The following CA5A variants were observed in gnomAD, a reference collection of about 807,000 sequenced individuals.
CA5A encodes the protein carbonic anhydrase 5A.
In CA5A, 28 loss-of-function variants were observed where a neutral mutation model predicts 37.1. That is an observed-to-expected ratio of 0.75 (90% confidence interval 0.56 to 1.03). The LOEUF is 1.03. CA5A is among the 50% of genes least tolerant of loss of function. The probability of loss-of-function intolerance (pLI) is 0.00; values close to 1 mark genes in which losing one functional copy is unlikely to be tolerated. For missense variants in CA5A, 444 were observed against 399.9 expected (o/e 1.11, Z -0.94); for synonymous variants, 171 against 158.4 (o/e 1.08, Z -0.60).
chr16:87,920,356 A>T (rs1276003627), intron 2 of CA5A, among the ~76,000 whole-genome samples: 1 of 152,254 alleles, frequency 6.6e-6, no homozygotes, highest in African/African-American at 2.4e-5. Context: ...TCTGTCGCCC[A>T]GGCTGGAGGG....
chr16:87,892,538 AATAATAATAATAATAATAAATT>A (rs1426422191), intron 5 of CA5A, among the ~76,000 whole-genome samples: 1 of 127,274 alleles, frequency 7.9e-6, no homozygotes, highest in African/African-American at 3.3e-5. Context: ...TAATAATAAT[AATAATAATAATAATAATAAATT>A]AATTAATAAT....
chr16:87,908,885 A>G (rs549758612), intron 2 of CA5A, among the ~76,000 whole-genome samples: 110 of 152,006 alleles, frequency 7.2e-4, no homozygotes, highest in Admixed American at 6.6e-3. Context: ...GCGTGATCTC[A>G]GCTCACTGCA....
chr16:87,895,159 A>G (rs1029917800), intron 5 of CA5A, among the ~76,000 whole-genome samples: 5 of 152,172 alleles, frequency 3.3e-5, no homozygotes, highest in African/African-American at 1.2e-4. Flanking sequence ...CTGAGGTGGG[A>G]GGATGGCTTG....
chr16:87,900,986 GA>G (rs1275808879), intron 5 of CA5A, among the ~76,000 whole-genome samples: 2 of 152,240 alleles, frequency 1.3e-5, no homozygotes, highest in Non-Finnish European at 2.9e-5. Context: ...AGCACCTTGG[GA>G]CGCCAAGGCG....
intron 2 of CA5A, among the ~76,000 whole-genome samples, chr16:87,913,117 T>A (rs8052009): frequency 0.53 from 80,154 of 151,412 alleles, 22,427 homozygotes; most frequent in Non-Finnish European, 0.63. Flanking sequence ...TAGCTGGGAT[T>A]ACAGGCAGGC....
At chr16:87,924,788 C>T (rs1036160920) in intron 2 of CA5A, among the ~76,000 whole-genome samples, 8 of 152,002 alleles carry the variant, frequency 5.3e-5, no homozygotes, top group South Asian at 4.1e-4. Flanking sequence ...GGCAGCGTCC[C>T]GCTTGTTGGT....
rs145348240 is a variant in CA5A at position 87,900,346 on chromosome 16, A to C, written c.618+1566T>G. On this transcript the variant is annotated intron_variant, in intron 5 of 6. Transcript: ENST00000649794. Reference sequence around the variant, plus strand: ...TTCCTGAGCAGGCAGATGGGGCGGCAGGGGGTGATCTGGTCCCAGTCCCAG... The same window carrying C: ...TTCCTGAGCAGGCAGATGGGGCGGCCGGGGGTGATCTGGTCCCAGTCCCAG... Among the ~76,000 whole-genome samples, 505 of 152,280 alleles carry C rather than the reference A, an allele frequency of 3.3e-3. 1 individual carries two copies. The highest frequency in any genetic ancestry group is 0.021 in the South Asian group (103 of 4,826).
chr16:87,915,996 G>A (rs545859139), intron 2 of CA5A, among the ~76,000 whole-genome samples: 12 of 152,006 alleles, frequency 7.9e-5, no homozygotes, highest in South Asian at 2.1e-4. Flanking sequence ...GGCAGAAGGC[G>A]AAAGGCAGGT....
At chr16:87,918,188 C>G (rs2056181095) in intron 2 of CA5A, among the ~76,000 whole-genome samples, 1 of 152,212 alleles carries the variant, frequency 6.6e-6, no homozygotes, top group Non-Finnish European at 1.5e-5. Flanking sequence ...CTATTGTCTA[C>G]TAAATGCTTA....
chr16:87,909,884 G>A lies in CA5A; in HGVS notation c.341-4980C>T, dbSNP rs542849230. Among the ~76,000 whole-genome samples the A allele has an allele frequency of 2.6e-5, 4 of 152,222 alleles. No homozygotes were observed. The East Asian group carries it at 7.7e-4, about 29-fold the overall frequency. On this transcript the variant is annotated intron_variant, in intron 2 of 6. Coordinates refer to ENST00000649794, the MANE Select transcript of CA5A (RefSeq NM_001739.2). ...GGGGTCAGGAGTGGGGTCTGGAGTC[G>A]GACGCACGTTCAGAAGCTGGGGCCA...
rs1480848495 is a variant in CA5A at position 87,921,737 on chromosome 16, C to A, written c.340+5011G>T. ...CAACACAGCAGATGCCCTTACAAAGCCACGGACTGGCGGGATCAGCGGCAC... is the reference window on the plus strand; with the variant it reads ...CAACACAGCAGATGCCCTTACAAAGACACGGACTGGCGGGATCAGCGGCAC... On this transcript the variant is annotated intron_variant, in intron 2 of 6. Coordinates refer to ENST00000649794, the MANE Select transcript of CA5A (RefSeq NM_001739.2). Among the ~76,000 whole-genome samples, 5 of 152,332 alleles carry A rather than the reference C, an allele frequency of 3.3e-5. 1 individual carries two copies. The highest frequency in any genetic ancestry group is 3.3e-4 in the Admixed American group (5 of 15,300).
chr16:87,887,921 A>G, downstream of CA5A: 3 of 629,484 alleles, frequency 4.8e-6, no homozygotes, highest in South Asian at 3.1e-5. Flanking sequence ...GTTGGGTGCC[A>G]TGGCACACCC....
chr16:87,929,946 A>G (rs1241576534), intron 1 of CA5A, among the ~76,000 whole-genome samples: 1 of 151,704 alleles, frequency 6.6e-6, no homozygotes, highest in African/African-American at 2.4e-5. Flanking sequence ...TTTTAAGTTA[A>G]AGATTGCAAA....
intron 1 of CA5A, among the ~76,000 whole-genome samples, chr16:87,933,305 AT>A (rs1366759958): frequency 6.6e-6 from 1 of 152,238 alleles, no homozygotes; most frequent in African/African-American, 2.4e-5. Context: ...AACGTTGCTG[AT>A]CACACACTTA....
At chr16:87,884,677 T>G (rs2055634999), downstream of CA5A, 1 of 152,012 alleles carries the variant, frequency 6.6e-6, no homozygotes, top group African/African-American at 2.4e-5. Context: ...GAGGTTGCAG[T>G]GAGCTGAGAT....
In CA5A at chr16:87,901,814, C is replaced by T. The variant is rs376698350; in HGVS notation, c.618+98G>A. On this transcript the variant is annotated intron_variant, in intron 5 of 6. Coordinates refer to ENST00000649794, the MANE Select transcript of CA5A (RefSeq NM_001739.2). ...GTTGGTCAGGCTGGTCTCGAACTCC[C>T]AACCTCACGTGATCCACCTGCCTCA... The T allele has an allele frequency of 1.8e-4, 179 of 970,758 alleles. 1 individual carries two copies. The East Asian group carries it at 3.1e-3, about 17-fold the overall frequency. 60.1% of individuals were successfully genotyped at this position (970,758 alleles called of 1,614,324 possible).
At chr16:87,902,958 G>C (rs2055901999) in intron 3 of CA5A, among the ~76,000 whole-genome samples, 1 of 151,118 alleles carries the variant, frequency 6.6e-6, no homozygotes, top group Non-Finnish European at 1.5e-5. Flanking sequence ...AGATGAGTAA[G>C]ATCCCAGCAC....
At chr16:87,897,667 T>C (rs1227234025) in intron 5 of CA5A, among the ~76,000 whole-genome samples, 1 of 151,950 alleles carries the variant, frequency 6.6e-6, no homozygotes, top group African/African-American at 2.4e-5. Context: ...ATGCGGGAGG[T>C]GGGCGCCAGG....
At chr16:87,892,459 G>C (rs1156827496) in intron 5 of CA5A, among the ~76,000 whole-genome samples, 2 of 148,792 alleles carry the variant, frequency 1.3e-5, no homozygotes, top group Admixed American at 6.8e-5. Flanking sequence ...GCAGTGAGCC[G>C]AGATCATGCC....
Sources: gnomAD v4.1 joint callset for allele counts (sites outside exome capture counted in the v4.1 genomes callset) on GRCh38, gnomAD v4.1.1 for gene constraint, MANE v1.5 for transcripts, NCBI Gene and HGNC (gene_info 2026-07-23, HGNC 2026-07-21) for gene names.